Variants in PSPC1 observed in about 807,000 individuals in gnomAD.
PSPC1 encodes the protein paraspeckle component 1.
A neutral mutation model predicts 51.6 loss-of-function variants in PSPC1; 14 were observed. That is an observed-to-expected ratio of 0.27 (90% CI 0.18 to 0.42). The LOEUF (loss-of-function observed/expected upper bound fraction) is 0.42, where lower values mean the gene tolerates loss of function less well. Among genes scored for constraint, PSPC1 ranks in the 10% least tolerant of loss-of-function variants. PSPC1 has a pLI of 1.00. For missense variants in PSPC1, 406 were observed against 701.1 expected, an observed-to-expected ratio of 0.58 and a Z score of 4.75; for synonymous variants, 193 against 231.9, an observed-to-expected ratio of 0.83 and a Z score of 1.53.
chr13:19,676,035 ATCCTAAAG>A (rs1276761643), intron 7 of PSPC1, among the ~76,000 whole-genome samples: 1 of 152,212 alleles, frequency 6.6e-6, no homozygotes, highest in Non-Finnish European at 1.5e-5. Flanking sequence ...AAATTTTAAA[ATCCTAAAG>A]TTCCAATGAC....
At chr13:19,780,007 T>TGGG (rs1889746001) in intron 1 of PSPC1, among the ~76,000 whole-genome samples, 2 of 72,450 alleles carry the variant, frequency 2.8e-5, no homozygotes, top group East Asian at 4.0e-4. Context: ...GGGAGGGAGG[T>TGGG]GGGGGGGGTC....
At chr13:19,774,819 C>CAAAAAAAAAAAAAAA (rs1301247582) in intron 1 of PSPC1, among the ~76,000 whole-genome samples, 1 of 135,708 alleles carries the variant, frequency 7.4e-6, no homozygotes, top group African/African-American at 2.9e-5. Context: ...AAAAAAAAAA[C>CAAAAAAAAAAAAAAA]AAAAAAAAAA....
Position 19,738,723 on chromosome 13 carries a change from C to T in PSPC1, c.1052+2842G>A, listed in dbSNP as rs187881152. Among the ~76,000 whole-genome samples the T allele has an allele frequency of 2.5e-3, 377 of 151,988 alleles. 2 individuals carry two copies. Among genetic ancestry groups the T allele is most frequent in the Non-Finnish European group, 3.9e-3 (265 of 67,962 alleles). ...GAGTTCGAGACCATCCTGGCTAACA[C>T]GGTGAAACCCCGTCTCTACTAAAAA... On this transcript the variant is annotated intron_variant, in intron 5 of 8. Transcript: ENST00000338910.
downstream of PSPC1, among the ~76,000 whole-genome samples, chr13:19,700,909 G>GA (rs897531020): frequency 1.6e-4 from 24 of 151,154 alleles, no homozygotes; most frequent in Middle Eastern, 3.4e-3. Flanking sequence ...TAATCCACAA[G>GA]AAAAAAAAAT....
chr13:19,698,077 C>T (rs1296633312), downstream of PSPC1, among the ~76,000 whole-genome samples: 2 of 151,960 alleles, frequency 1.3e-5, no homozygotes, highest in African/African-American at 4.8e-5. Flanking sequence ...ACATATAATG[C>T]CCTTTTGCAT....
intron 3 of PSPC1, among the ~76,000 whole-genome samples, chr13:19,758,446 C>T (rs1184944976): frequency 6.6e-6 from 1 of 152,058 alleles, no homozygotes; most frequent in Non-Finnish European, 1.5e-5. Context: ...TCCGCTGTGC[C>T]AGGTTATTTA....
In PSPC1 at chr13:19,711,126, C is replaced by A. The variant is rs118191939; in HGVS notation, c.1159-1527G>T. 2.4e-3 allele frequency among the ~76,000 whole-genome samples: 369 copies of A among 152,282 alleles called. 6 individuals carry two copies. In the East Asian group the frequency reaches 0.032, roughly 13 times the overall value. ...AATGTGCTGGGATTACAAACGTGAA[C>A]CGCAATGCCCAGCCCTAAAAGCCAT... On this transcript the variant is annotated intron_variant, in intron 6 of 8. Transcript: ENST00000338910.
chr13:19,677,929 G>T, intron 6 of PSPC1: 1 of 433,060 alleles, frequency 2.3e-6, no homozygotes. Flanking sequence ...CAGTAATTGA[G>T]GTTTCGATAC....
chr13:19,693,372 C>T (rs1009654279), intron 6 of PSPC1, among the ~76,000 whole-genome samples: 2 of 152,180 alleles, frequency 1.3e-5, no homozygotes, highest in African/African-American at 4.8e-5. Flanking sequence ...TCTACATATA[C>T]CCATTAAACT....
At chr13:19,757,388 C>G (rs544871677) in intron 3 of PSPC1, among the ~76,000 whole-genome samples, 1 of 152,076 alleles carries the variant, frequency 6.6e-6, no homozygotes, top group African/African-American at 2.4e-5. Flanking sequence ...TAGAGCAGGG[C>G]GAGAGTTCCG....
intron 6 of PSPC1, among the ~76,000 whole-genome samples, chr13:19,688,979 G>GAAAAAAAAAAAAAAA (rs1878253313): frequency 6.9e-6 from 1 of 145,710 alleles, no homozygotes; most frequent in African/African-American, 2.5e-5. Flanking sequence ...AAAAAAAAAG[G>GAAAAAAAAAAAAAAA]AAACTCATTG....
At chr13:19,714,161 A>C (rs906035359) in intron 6 of PSPC1, among the ~76,000 whole-genome samples, 1 of 152,250 alleles carries the variant, frequency 6.6e-6, no homozygotes, top group Admixed American at 6.5e-5. Flanking sequence ...GGATTTGTCC[A>C]CAAAGTACAT....
At chr13:19,756,773 G>A (rs1037837941) in intron 3 of PSPC1, among the ~76,000 whole-genome samples, 12 of 151,712 alleles carry the variant, frequency 7.9e-5, no homozygotes, top group African/African-American at 2.4e-4. Flanking sequence ...AGGATTACAC[G>A]TGTAAGCCAC....
intron 1 of PSPC1, among the ~76,000 whole-genome samples, chr13:19,778,382 TCCCCCTCCCC>T (rs1889436183): frequency 3.7e-5 from 1 of 26,702 alleles, no homozygotes. Context: ...CCCCTCCCCC[TCCCCCTCCCC>T]CTCCCTCTCC....
At chr13:19,708,571 T>A (rs1341611142) in intron 7 of PSPC1, among the ~76,000 whole-genome samples, 1 of 152,216 alleles carries the variant, frequency 6.6e-6, no homozygotes, top group East Asian at 1.9e-4. Flanking sequence ...AACTTGGCTA[T>A]ACGAGCAAAT....
At chr13:19,773,546 A>G (rs566032975) in intron 1 of PSPC1, among the ~76,000 whole-genome samples, 3 of 151,950 alleles carry the variant, frequency 2.0e-5, no homozygotes, top group African/African-American at 4.8e-5. Context: ...CCTGTTTTTT[A>G]TATCTTAACA....
intron 6 of PSPC1, among the ~76,000 whole-genome samples, chr13:19,696,932 T>C (rs1287718111): frequency 2.0e-5 from 3 of 152,226 alleles, no homozygotes; most frequent in African/African-American, 7.2e-5. Flanking sequence ...GTATGATAAA[T>C]GAATTTATGC....
chr13:19,688,823 C>A (rs1388803170), intron 6 of PSPC1, among the ~76,000 whole-genome samples: 1 of 152,002 alleles, frequency 6.6e-6, no homozygotes, highest in Non-Finnish European at 1.5e-5. Flanking sequence ...AATTTATGGA[C>A]CCTATAGATT....
At chr13:19,683,082 AAAAG>A (rs542189368) in intron 6 of PSPC1, among the ~76,000 whole-genome samples, 19 of 152,044 alleles carry the variant, frequency 1.2e-4, no homozygotes, top group South Asian at 1.0e-3. Context: ...GAAAAAAAGA[AAAAG>A]AAAGAAAGAA....
Sources: gnomAD v4.1 joint callset for allele counts (sites outside exome capture counted in the v4.1 genomes callset) on GRCh38, gnomAD v4.1.1 for gene constraint, MANE v1.5 for transcripts, NCBI Gene and HGNC (gene_info 2026-07-23, HGNC 2026-07-21) for gene names.